PHKA1: variants seen among roughly 807,000 people sequenced by gnomAD.
PHKA1 encodes the protein phosphorylase kinase regulatory subunit alpha 1.
A neutral mutation model predicts 110.2 loss-of-function variants in PHKA1; 60 were observed. The ratio of observed to expected loss-of-function variants is 0.54; its 90% CI spans 0.44 to 0.68. The LOEUF (loss-of-function observed/expected upper bound fraction) is 0.68, where lower values mean the gene tolerates loss of function less well. PHKA1 is among the 30% of genes least tolerant of loss of function. The pLI is 0.00. For missense variants in PHKA1, 801 were observed against 942.5 expected, an observed-to-expected ratio of 0.85 and a Z score of 1.97; for synonymous variants, 316 against 333.6, an observed-to-expected ratio of 0.95 and a Z score of 0.58.
chrX:72,660,861 G>T, intron 8 of PHKA1: 1 of 202,069 alleles, frequency 4.9e-6, no homozygotes, highest in Non-Finnish European at 9.2e-6. Context: ...GTCTGTTCAT[G>T]TGTTAAGTGT....
intron 3 of PHKA1, among the ~76,000 whole-genome samples, chrX:72,701,645 G>A (rs781839418): frequency 8.8e-4 from 98 of 111,513 alleles, no homozygotes; most frequent in South Asian, 8.0e-3. Flanking sequence ...CTTGAACCCA[G>A]GAGGTGGAGA....
Position 72,605,378 on chromosome X carries a change from A to T in PHKA1, c.2708T>A (p.Met903Lys). The T allele has an allele frequency of 8.3e-7, 1 of 1,208,856 alleles. No homozygotes were observed. Among genetic ancestry groups the T allele is most frequent in the South Asian group, 1.8e-5 (1 of 56,950 alleles). Residue 903 changes from methionine (M) to lysine (K), a missense_variant, in exon 25 of 32, where the codon ATG becomes AAG. Transcript: ENST00000373542. ...GAGGCCAGGCTGGGTTCGCATATAC[A>T]TGGCTAGATATACCATTATTTCCTG... ...LTQEIMVYLA[M>K]YMRTQPGLFA...
intron 4 of PHKA1, among the ~76,000 whole-genome samples, chrX:72,690,724 A>T (rs1338774501): frequency 8.9e-6 from 1 of 112,248 alleles, no homozygotes. Context: ...TCTTACATTT[A>T]GGCCTACAAT....
chrX:72,658,383 T>C (rs1329263256), intron 8 of PHKA1, among the ~76,000 whole-genome samples: 1 of 104,097 alleles, frequency 9.6e-6, no homozygotes, highest in African/African-American at 3.6e-5. Context: ...CGCTTGAACC[T>C]GGGAGACACA....
chrX:72,599,352 C>T (rs2052628918), intron 28 of PHKA1, among the ~76,000 whole-genome samples: 1 of 111,536 alleles, frequency 9.0e-6, no homozygotes, highest in Admixed American at 9.5e-5. Flanking sequence ...AAATTGTAAG[C>T]TTCACGAGGG....
At chrX:72,676,210 G>T in intron 5 of PHKA1, 60 bp from the exon 6 acceptor site, 1 of 861,149 alleles carries the variant, frequency 1.2e-6, no homozygotes, top group Non-Finnish European at 1.7e-6. Flanking sequence ...CTTCCTAGAT[G>T]CAGGAAGTGT....
intron 13 of PHKA1, among the ~76,000 whole-genome samples, chrX:72,645,050 T>G (rs1478749124): frequency 9.0e-6 from 1 of 111,045 alleles, no homozygotes; most frequent in Non-Finnish European, 1.9e-5. Flanking sequence ...TGGGGAGAGA[T>G]GGGGGATGAA....
At chrX:72,603,557 A>G (rs2052686405) in intron 25 of PHKA1, among the ~76,000 whole-genome samples, 1 of 111,819 alleles carries the variant, frequency 8.9e-6, no homozygotes, top group African/African-American at 3.2e-5. Context: ...AGAGAAAGAC[A>G]ATGAATGTAT....
chrX:72,678,164 A>G (rs1318622691), intron 5 of PHKA1, among the ~76,000 whole-genome samples: 1 of 111,797 alleles, frequency 8.9e-6, no homozygotes, highest in Non-Finnish European at 1.9e-5. Flanking sequence ...GGAATCAACC[A>G]CTTTCATAAG....
At chrX:72,614,940 T>C (rs912758875) in intron 21 of PHKA1, among the ~76,000 whole-genome samples, 1 of 109,035 alleles carries the variant, frequency 9.2e-6, no homozygotes, top group Non-Finnish European at 1.9e-5. Flanking sequence ...TGAAAATAAA[T>C]TCTACTCCAA....
chrX:72,633,784 C>G (rs1400814813), intron 16 of PHKA1, among the ~76,000 whole-genome samples: 1 of 111,809 alleles, frequency 8.9e-6, no homozygotes, highest in African/African-American at 3.2e-5. Flanking sequence ...TTTCAGACTT[C>G]TGAGAAAAAT....
intron 25 of PHKA1, among the ~76,000 whole-genome samples, chrX:72,604,169 T>C (rs1490801788): frequency 9.1e-6 from 1 of 110,209 alleles, no homozygotes; most frequent in Non-Finnish European, 1.9e-5. Flanking sequence ...AAAAACAACA[T>C]TATACTATAT....
rs1006355438 is a variant in PHKA1 at position 72,640,153 on chromosome X, T to C, written c.1460-3767A>G. Among the ~76,000 whole-genome samples the C allele has an allele frequency of 3.6e-5, 4 of 111,317 alleles. No individual in the cohort carries two copies. The South Asian group carries it at 1.5e-3, about 42-fold the overall frequency. On this transcript the variant is annotated intron_variant, in intron 14 of 31. Coordinates refer to ENST00000373542, the MANE Select transcript of PHKA1 (RefSeq NM_002637.4). ...TCTAAGTGTAACAGCAAGGAAAGAA[T>C]CCAAAAAAAGAGAAAATTTTACTAC...
chrX:72,676,193 C>T, intron 5 of PHKA1, 43 bp from the exon 6 acceptor site: 1 of 990,230 alleles, frequency 1.0e-6, no homozygotes. Context: ...GTCATAACTA[C>T]TAAATACTTC....
In PHKA1 at chrX:72,579,278, C is replaced by T. The variant is rs782174511; in HGVS notation, c.*1724G>A. 8.9e-6 allele frequency: 1 copy of T among 112,177 alleles called. No homozygotes were observed. Among genetic ancestry groups the T allele is most frequent in the South Asian group, 3.7e-4 (1 of 2,674 alleles). 9.2% of individuals were successfully genotyped at this position (112,177 alleles called of 1,213,427 possible). A position where few individuals can be genotyped will look rare whatever the true frequency, so the allele number is the denominator to read the frequency against. On this transcript the variant is annotated 3_prime_UTR_variant, in exon 32 of 32. Transcript: ENST00000373542. The stretch of plus-strand genomic sequence containing the variant: ...GTGCTGAAAAGGTTTGCTGTCCTCT[C>T]TTTGTTTCTACTATCTGTATTCTAT...
At chrX:72,592,339 C>T (rs2052532918) in intron 29 of PHKA1, among the ~76,000 whole-genome samples, 1 of 112,319 alleles carries the variant, frequency 8.9e-6, no homozygotes, top group Admixed American at 9.4e-5. Flanking sequence ...GGGGAAAAAA[C>T]ATAACTGAAG....
At chrX:72,587,910 C>T (rs1556216983) in intron 29 of PHKA1, among the ~76,000 whole-genome samples, 1 of 111,978 alleles carries the variant, frequency 8.9e-6, no homozygotes, top group Non-Finnish European at 1.9e-5. Flanking sequence ...GCACCCAATA[C>T]AGGAGCACTC....
chrX:72,579,784 T>C lies in PHKA1; in HGVS notation c.*1218A>G, dbSNP rs1274037574. ...CACATACACACACAAATATGTGTCT[T>C]TATAAGAAACAGACATATGCCCACA... On this transcript the variant is annotated 3_prime_UTR_variant, in exon 32 of 32. Transcript: ENST00000373542. 1.8e-5 allele frequency: 2 copies of C among 110,910 alleles called. No individual in the cohort carries two copies. The highest frequency in any genetic ancestry group is 5.6e-4 in the East Asian group (2 of 3,566). 9.1% of individuals were successfully genotyped at this position (110,910 alleles called of 1,213,427 possible).
intron 23 of PHKA1, among the ~76,000 whole-genome samples, chrX:72,608,349 G>A (rs2052760447): frequency 9.0e-6 from 1 of 111,275 alleles, no homozygotes; most frequent in South Asian, 3.8e-4. Context: ...CTCCTCAGTG[G>A]AAGGAAGGAT....
Sources: gnomAD v4.1 joint callset for allele counts (sites outside exome capture counted in the v4.1 genomes callset) on GRCh38, gnomAD v4.1.1 for gene constraint, MANE v1.5 for transcripts, NCBI Gene and HGNC (gene_info 2026-07-23, HGNC 2026-07-21) for gene names.